Variants in CPQ observed in about 807,000 individuals in gnomAD.
The protein encoded by CPQ is Ser-Met dipeptidase.
Under a neutral mutation model 45.7 loss-of-function variants are expected in CPQ, and 37 were observed. That is an observed-to-expected ratio of 0.81 (90% CI 0.62 to 1.07). The LOEUF (loss-of-function observed/expected upper bound fraction) is 1.07, where lower values mean the gene tolerates loss of function less well. Among genes scored for constraint, CPQ ranks in the 50% least tolerant of loss-of-function variants. The pLI, the probability that CPQ is intolerant of heterozygous loss-of-function variation, is 0.00. For synonymous variants in CPQ, 186 were observed against 205.8 expected (o/e 0.90, Z 0.82); for missense variants, 537 against 572.9 (o/e 0.94, Z 0.64).
In CPQ at chr8:96,698,690, A is replaced by G. The variant is rs116209166; in HGVS notation, c.-35+53288A>G. ...ATTATGAAAAATGGGCAAAAGATGA[A>G]TAGATATTTCTCAAAAGAAGGCAAA... On this transcript the variant is annotated intron_variant, in intron 1 of 7. Transcript: ENST00000220763. Among the ~76,000 whole-genome samples the G allele has an allele frequency of 6.3e-3, 966 of 152,206 alleles. 12 individuals are homozygous for G. Among genetic ancestry groups the G allele is most frequent in the African/African-American group, 0.022 (894 of 41,490 alleles).
chr8:96,851,659 T>C (rs1811772647), intron 3 of CPQ, among the ~76,000 whole-genome samples: 2 of 152,194 alleles, frequency 1.3e-5, no homozygotes, highest in African/African-American at 4.8e-5. Context: ...CACCACTTAA[T>C]ATCATCACAT....
chr8:97,000,721 G>T (rs889528820), intron 5 of CPQ, among the ~76,000 whole-genome samples: 1 of 152,000 alleles, frequency 6.6e-6, no homozygotes, highest in Admixed American at 6.6e-5. Flanking sequence ...TGGCTATTTG[G>T]GCTCTTTTTT....
chr8:97,059,011 C>G (rs999221905), intron 6 of CPQ, among the ~76,000 whole-genome samples: 2 of 152,088 alleles, frequency 1.3e-5, no homozygotes, highest in African/African-American at 4.8e-5. Flanking sequence ...ACATTTTTAG[C>G]CTTCTGGCTC....
At chr8:96,881,905 C>G (rs1812228757) in intron 4 of CPQ, among the ~76,000 whole-genome samples, 1 of 152,166 alleles carries the variant, frequency 6.6e-6, no homozygotes, top group Non-Finnish European at 1.5e-5. Context: ...TATAAGGTTT[C>G]TGGTGCAAAT....
At chr8:97,023,087 T>A (rs1268391965) in intron 5 of CPQ, among the ~76,000 whole-genome samples, 5 of 128,318 alleles carry the variant, frequency 3.9e-5, no homozygotes, top group Non-Finnish European at 6.8e-5. Flanking sequence ...ATATATACAC[T>A]ATGTATATAC....
intron 7 of CPQ, among the ~76,000 whole-genome samples, chr8:97,104,117 A>G (rs1049863175): frequency 8.5e-5 from 13 of 152,328 alleles, no homozygotes; most frequent in African/African-American, 3.1e-4. Flanking sequence ...TGCATGGCAC[A>G]TAATAATCGC....
At chr8:97,047,773 A>C (rs1810285217) in intron 6 of CPQ, among the ~76,000 whole-genome samples, 1 of 152,212 alleles carries the variant, frequency 6.6e-6, no homozygotes, top group Non-Finnish European at 1.5e-5. Context: ...TAATGATATG[A>C]AAAACTGTTT....
chr8:96,649,881 A>G (rs918939788), intron 1 of CPQ, among the ~76,000 whole-genome samples: 4 of 152,226 alleles, frequency 2.6e-5, no homozygotes, highest in Non-Finnish European at 5.9e-5. Context: ...AGTGAAGGAA[A>G]AAAGATTGGA....
At chr8:96,796,517 G>A (rs1393377937) in intron 2 of CPQ, among the ~76,000 whole-genome samples, 1 of 151,916 alleles carries the variant, frequency 6.6e-6, no homozygotes, top group Non-Finnish European at 1.5e-5. Context: ...ATTTCTTTCT[G>A]TATTTTGAGG....
intron 1 of CPQ, among the ~76,000 whole-genome samples, chr8:96,702,351 A>C (rs531890143): frequency 2.0e-4 from 31 of 152,338 alleles, no homozygotes; most frequent in Non-Finnish European, 2.2e-4. Context: ...AGGCATAGAC[A>C]ACAAGGAAGC....
At chr8:97,036,257 C>G (rs974521322) in intron 6 of CPQ, among the ~76,000 whole-genome samples, 17 of 152,054 alleles carry the variant, frequency 1.1e-4, no homozygotes, top group African/African-American at 3.9e-4. Context: ...CCTCAAAGGG[C>G]ATGAGGAGGA....
intron 1 of CPQ, among the ~76,000 whole-genome samples, chr8:96,671,716 A>T (rs1203952879): frequency 6.6e-6 from 1 of 152,206 alleles, no homozygotes; most frequent in East Asian, 1.9e-4. Context: ...AGATTAGGAA[A>T]AAAGAGAAAA....
intron 3 of CPQ, among the ~76,000 whole-genome samples, chr8:96,871,469 C>T (rs763916029): frequency 8.6e-5 from 13 of 150,636 alleles, no homozygotes; most frequent in Middle Eastern, 3.6e-3. Flanking sequence ...GCTCAAATGC[C>T]TGGGAGCTAG....
At chr8:96,852,598 C>T (rs1408670960) in intron 3 of CPQ, among the ~76,000 whole-genome samples, 1 of 152,144 alleles carries the variant, frequency 6.6e-6, no homozygotes, top group Non-Finnish European at 1.5e-5. Context: ...TCCTTACCTC[C>T]TTCAGTTTAG....
intron 4 of CPQ, among the ~76,000 whole-genome samples, chr8:96,923,481 A>AT (rs894682768): frequency 1.2e-4 from 18 of 151,550 alleles, no homozygotes; most frequent in African/African-American, 3.6e-4. Flanking sequence ...CTCAAATGTC[A>AT]TTTTTTTTCA....
chr8:96,998,105 G>A (rs1002230903), intron 5 of CPQ, among the ~76,000 whole-genome samples: 7 of 151,736 alleles, frequency 4.6e-5, no homozygotes, highest in East Asian at 3.9e-4. Context: ...ATCATACCAC[G>A]CCATGCTACT....
chr8:97,034,948 T>C (rs1385061259), intron 6 of CPQ, among the ~76,000 whole-genome samples: 2 of 151,342 alleles, frequency 1.3e-5, no homozygotes, highest in African/African-American at 2.4e-5. Context: ...TGGAATGCAG[T>C]GTGGCACGAT....
At chr8:96,780,142 A>G (rs1382913606) in intron 1 of CPQ, among the ~76,000 whole-genome samples, 1 of 152,182 alleles carries the variant, frequency 6.6e-6, no homozygotes. Context: ...TGCAGTGGTG[A>G]ATAATTTACC....
At chr8:96,859,817 A>C (rs761004072) in intron 3 of CPQ, among the ~76,000 whole-genome samples, 5 of 152,124 alleles carry the variant, frequency 3.3e-5, no homozygotes, top group African/African-American at 1.2e-4. Flanking sequence ...GTTGATAGAC[A>C]TGCTGATTTT....
Sources: allele counts gnomAD v4.1 joint callset (sites outside exome capture counted in the v4.1 genomes callset), GRCh38; gene constraint gnomAD v4.1.1; transcripts MANE v1.5; gene names NCBI Gene and HGNC (gene_info 2026-07-23, HGNC 2026-07-21).